Variants in TSC1 observed in about 807,000 individuals in gnomAD.
The protein encoded by TSC1 is hamartin.
A neutral mutation model predicts 124.3 loss-of-function variants in TSC1; 20 were observed. That is an observed-to-expected ratio of 0.16 (90% CI 0.11 to 0.23). The LOEUF (loss-of-function observed/expected upper bound fraction) is 0.23. Ranked by LOEUF, TSC1 falls within the 10% of genes least tolerant of loss-of-function variation. The probability of loss-of-function intolerance (pLI) is 1.00; values close to 1 mark genes in which losing one functional copy is unlikely to be tolerated. For synonymous variants in TSC1, 493 were observed against 539.1 expected (o/e 0.91, Z 1.19); for missense variants, 1,124 against 1,448.5 (o/e 0.78, Z 3.64).
In TSC1 at chr9:132,921,308, T is replaced by A; in HGVS notation, c.737+55A>T. The A allele has an allele frequency of 5.7e-6, 9 of 1,573,058 alleles. No individual in the cohort carries two copies. Among genetic ancestry groups the A allele is most frequent in the Middle Eastern group, 1.7e-4 (1 of 5,968 alleles). On this transcript the variant is annotated intron_variant, in intron 8 of 22. Transcript: ENST00000298552. The surrounding 1 kb of genome is among the most constrained non-coding windows in gnomAD (Gnocchi z 4.3). ...ACCTCAACAGGGATTACCTCCTAGA[T>A]CACATTTTCAATCTCTCGAAAGATT...
intron 8 of TSC1, among the ~76,000 whole-genome samples, chr9:132,913,810 A>G (rs1397326677): frequency 3.4e-5 from 4 of 117,880 alleles, no homozygotes; most frequent in African/African-American, 1.0e-4. Flanking sequence ...TGGGCGATAG[A>G]GCGAGACTCC....
chr9:132,921,045 C>T lies in TSC1; in HGVS notation c.737+318G>A, dbSNP rs1846521746. ...TTTATATATATGCTAAATTGTTTTT[C>T]TGCAGTCCCCTTGTTTTTAGCCATA... On this transcript the variant is annotated intron_variant, in intron 8 of 22. Coordinates refer to ENST00000298552, the MANE Select transcript of TSC1 (RefSeq NM_000368.5). This position sits in a 1 kb window ranked among gnomAD's most constrained non-coding sequence, Gnocchi z 4.3. 6.6e-6 allele frequency among the ~76,000 whole-genome samples: 1 copy of T among 151,922 alleles called. No individual in the cohort carries two copies. The highest frequency in any genetic ancestry group is 1.5e-5 in the Non-Finnish European group (1 of 67,964).
At chr9:132,944,384 G>A (rs1020639299) in intron 1 of TSC1, among the ~76,000 whole-genome samples, 159 bp downstream of exon 1, 15 of 152,182 alleles carry the variant, frequency 9.9e-5, no homozygotes, top group East Asian at 1.9e-4. Flanking sequence ...TGTAATAAGA[G>A]GGAGGGGAGA....
At chr9:132,911,687 A>C in intron 9 of TSC1, 119 bp from the exon 10 acceptor site, 1 of 652,214 alleles carries the variant, frequency 1.5e-6, no homozygotes, top group Admixed American at 2.9e-5. Flanking sequence ...GATAATATTC[A>C]ATTCTCTGTA....
intron 12 of TSC1, among the ~76,000 whole-genome samples, chr9:132,908,899 C>A (rs1845801262): frequency 8.0e-6 from 1 of 125,674 alleles, no homozygotes; most frequent in Non-Finnish European, 1.7e-5. Flanking sequence ...GTCTACCTTG[C>A]ACTTTTTTTT....
chr9:132,941,698 T>C (rs1847746163), intron 1 of TSC1: 1 of 152,204 alleles, frequency 6.6e-6, no homozygotes, highest in Non-Finnish European at 1.5e-5. Context: ...AAGAGTATTA[T>C]GATGTAAAGG....
chr9:132,928,194 G>A (rs184180294), intron 3 of TSC1, among the ~76,000 whole-genome samples: 8 of 152,236 alleles, frequency 5.3e-5, no homozygotes, highest in Admixed American at 3.9e-4. Flanking sequence ...ACCTACTGAA[G>A]GATACTTGGG....
intron 11 of TSC1, 128 bp from the exon 12 acceptor site, chr9:132,910,820 C>A: frequency 7.0e-7 from 1 of 1,434,854 alleles, no homozygotes; most frequent in Non-Finnish European, 9.8e-7. Flanking sequence ...GGATCTAGAT[C>A]AGTCTCTCTC....
intron 21 of TSC1, 24 bp from the exon 22 acceptor site, chr9:132,897,369 A>C: frequency 6.2e-7 from 1 of 1,614,252 alleles, no homozygotes; most frequent in South Asian, 1.1e-5. Context: ...ACCAGCCAGA[A>C]TATAGGAAGT....
intron 5 of TSC1, among the ~76,000 whole-genome samples, chr9:132,924,660 C>T (rs1235192703): frequency 6.6e-6 from 1 of 152,078 alleles, no homozygotes; most frequent in African/African-American, 2.4e-5. Flanking sequence ...CTCATCAATC[C>T]ATTTAGATTA....
intron 12 of TSC1, among the ~76,000 whole-genome samples, chr9:132,908,034 C>A (rs1339606279): frequency 6.6e-6 from 1 of 152,212 alleles, no homozygotes; most frequent in African/African-American, 2.4e-5. Context: ...CTGCAGAGAG[C>A]TGCAATTGTG....
intron 11 of TSC1, 32 bp from the exon 12 acceptor site, chr9:132,910,724 C>T (rs749890146): frequency 1.4e-5 from 23 of 1,612,368 alleles, no homozygotes; most frequent in Non-Finnish European, 1.9e-5. Context: ...TATATGAACA[C>T]TGAGCCCAAC....
intron 1 of TSC1, chr9:132,942,091 A>G (rs1176315854): frequency 6.6e-6 from 1 of 152,204 alleles, no homozygotes; most frequent in East Asian, 1.9e-4. Context: ...AGAAATAAAC[A>G]TACCTGTAGC....
chr9:132,892,955 C>G lies in TSC1; in HGVS notation c.*3280G>C, dbSNP rs557707101. The G allele has an allele frequency of 4.3e-5, 10 of 233,282 alleles. No homozygotes were observed. Among genetic ancestry groups the G allele is most frequent in the African/African-American group, 2.2e-4 (10 of 45,450 alleles). The allele number at this position is 233,282 out of a possible 1,614,324, so 14.5% of individuals were successfully genotyped here. A position where few individuals can be genotyped will look rare whatever the true frequency, so the allele number is the denominator to read the frequency against. ...TGTGCTGTTGCAAATGGGGACGGCC[C>G]AAGAGTCTGGAGTTTTGTTCCCTGC... On this transcript the variant is annotated 3_prime_UTR_variant, in exon 23 of 23. Coordinates refer to ENST00000298552, the MANE Select transcript of TSC1 (RefSeq NM_000368.5).
intron 1 of TSC1, among the ~76,000 whole-genome samples, chr9:132,938,818 T>A (rs1847594910): frequency 6.6e-6 from 1 of 152,182 alleles, no homozygotes; most frequent in African/African-American, 2.4e-5. Flanking sequence ...AAATTACAGG[T>A]GAATATTCGA....
In TSC1 at chr9:132,902,918, TA is replaced by T; in HGVS notation, c.2209-132del. On this transcript the variant is annotated intron_variant, in intron 17 of 22. Transcript: ENST00000298552. The surrounding 1 kb of genome is among the most constrained non-coding windows in gnomAD (Gnocchi z 5.2). ...GTAACTAACTACAGACCAAAACTCT[TA>T]GAGCTCACTACTGTCTTACTTGGCC... 1 of 1,158,532 alleles carries T rather than the reference TA, an allele frequency of 8.6e-7. No homozygotes were observed. The highest frequency in any genetic ancestry group is 1.3e-5 in the South Asian group (1 of 79,346). The allele number at this position is 1,158,532 out of a possible 1,614,324, so 71.8% of individuals were successfully genotyped here.
intron 8 of TSC1, among the ~76,000 whole-genome samples, chr9:132,914,361 A>G (rs1846151124): frequency 6.6e-6 from 1 of 152,196 alleles, no homozygotes; most frequent in Non-Finnish European, 1.5e-5. Context: ...AAAGGGATAT[A>G]TTTTATAGAA....
chr9:132,912,055 C>T (rs142277853), intron 9 of TSC1, among the ~76,000 whole-genome samples: 11 of 152,258 alleles, frequency 7.2e-5, no homozygotes, highest in African/African-American at 2.2e-4. Flanking sequence ...AGACACGTCA[C>T]CAACTCTGTT....
In TSC1 at chr9:132,908,901, C is replaced by CTTTTTTTTTTTTTTTT. The variant is rs35234317; in HGVS notation, c.1264-1547_1264-1532dup. On this transcript the variant is annotated intron_variant, in intron 12 of 22. Transcript: ENST00000298552. ...TTAAAACCCACTAGTCTACCTTGCA[C>CTTTTTTTTTTTTTTTT]TTTTTTTTTTTTTTTTTGTGACAGT... Among the ~76,000 whole-genome samples, 71 of 121,512 alleles carry CTTTTTTTTTTTTTTTT rather than the reference C, an allele frequency of 5.8e-4. 4 individuals carry two copies. The highest frequency in any genetic ancestry group is 1.9e-3 in the African/African-American group (56 of 30,144). The allele number at this position is 121,512 out of a possible 152,430, so 79.7% of individuals were successfully genotyped here. A position where few individuals can be genotyped will look rare whatever the true frequency, so the allele number is the denominator to read the frequency against.
Sources: allele counts gnomAD v4.1 joint callset (sites outside exome capture counted in the v4.1 genomes callset), GRCh38; gene constraint gnomAD v4.1.1; non-coding constraint Gnocchi (gnomAD v3.1); transcripts MANE v1.5; gene names NCBI Gene and HGNC (gene_info 2026-07-23, HGNC 2026-07-21).